Variants in MMP20 observed in about 807,000 individuals in gnomAD.
MMP20 encodes matrix metalloproteinase-20.
Under a neutral mutation model 51.8 loss-of-function variants are expected in MMP20, and 50 were observed. That is an observed-to-expected ratio of 0.97 (90% confidence interval 0.77 to 1.22). The LOEUF (loss-of-function observed/expected upper bound fraction) is 1.22, where lower values mean the gene tolerates loss of function less well. Ranked by LOEUF, MMP20 falls within the 50% of genes most tolerant of loss-of-function variation. The probability of loss-of-function intolerance (pLI) is 0.00; values close to 1 mark genes in which losing one functional copy is unlikely to be tolerated. For synonymous variants in MMP20, 244 were observed against 216.2 expected (o/e 1.13, Z -1.13); for missense variants, 663 against 601.4 (o/e 1.10, Z -1.07).
In MMP20 at chr11:102,579,129, T is replaced by C. The variant is rs755736935; in HGVS notation, c.1261A>G (p.Lys421Glu). The stretch of plus-strand genomic sequence containing the variant: ...GGATAGTCTTTTTCCATTTTCCTTT[T>C]CCTTTCGTCGTAGCTAGAAAAAGTA... The part of the protein sequence containing the change: ...GDEYYSYDER[K>E]RKMEKDYPKN... Residue 421 changes from lysine to glutamate, a missense_variant, in exon 9 of 10, where the codon AAA (lysine) becomes GAA (glutamate). Lys to Glu is a moderately conservative substitution (Grantham distance 56, BLOSUM62 1). Transcript: ENST00000260228. The C allele has an allele frequency of 8.7e-6, 14 of 1,612,016 alleles. No individual in the cohort carries two copies. Among genetic ancestry groups the C allele is most frequent in the African/African-American group, 5.3e-5 (4 of 74,890 alleles).
chr11:102,612,106 T>G (rs1859609139), intron 2 of MMP20, among the ~76,000 whole-genome samples: 1 of 152,214 alleles, frequency 6.6e-6, no homozygotes, highest in Non-Finnish European at 1.5e-5. Context: ...TGAGAGACAG[T>G]TGGGATAATC....
intron 6 of MMP20, among the ~76,000 whole-genome samples, chr11:102,605,633 C>T (rs1565395934): frequency 1.3e-5 from 2 of 152,102 alleles, no homozygotes; most frequent in Middle Eastern, 6.8e-3. Flanking sequence ...TTGGAGTCCC[C>T]TACTCATACA....
chr11:102,578,436 C>T (rs922468621), intron 9 of MMP20, among the ~76,000 whole-genome samples: 2 of 152,164 alleles, frequency 1.3e-5, no homozygotes, highest in African/African-American at 2.4e-5. Flanking sequence ...TGTGCCCAAC[C>T]AAGACTATGT....
intron 1 of MMP20, among the ~76,000 whole-genome samples, chr11:102,623,931 G>A (rs1162135970): frequency 6.6e-6 from 1 of 152,224 alleles, no homozygotes. Flanking sequence ...AATTGAATAA[G>A]GATCCCAGTA....
intron 8 of MMP20, among the ~76,000 whole-genome samples, chr11:102,589,922 G>T (rs1050622743): frequency 1.3e-5 from 2 of 152,058 alleles, no homozygotes; most frequent in Non-Finnish European, 2.9e-5. Flanking sequence ...TATTTCTGAG[G>T]CATTCAGGAA....
rs757896780 is a variant in MMP20 at position 102,606,619 on chromosome 11, G to A, written c.869C>T (p.Pro290Leu). Residue 290 changes from proline to leucine, a missense_variant, in exon 6 of 10, where the codon CCA (proline) becomes CTA (leucine). Coordinates refer to ENST00000260228, the MANE Select transcript of MMP20 (RefSeq NM_004771.4). Reference protein sequence around the residue: ...PTLPHAPHHKPSIPDLCDSSS... With the variant: ...PTLPHAPHHKLSIPDLCDSSS... The stretch of plus-strand genomic sequence containing the variant: ...GGAGTCACAGAGGTCAGGGATGGAT[G>A]GCTTGTGATGGGGGGCATGGGGCAG... The A allele has an allele frequency of 2.5e-6, 4 of 1,614,000 alleles. No homozygotes were observed. The South Asian group carries it at 3.3e-5, about 13-fold the overall frequency.
At chr11:102,594,840 G>C in intron 6 of MMP20, 83 bp from the exon 7 acceptor site, 2 of 1,523,858 alleles carry the variant, frequency 1.3e-6, no homozygotes, top group Non-Finnish European at 1.8e-6. Flanking sequence ...TGACTGAAAT[G>C]TACTCAGAGG....
intron 8 of MMP20, among the ~76,000 whole-genome samples, chr11:102,579,386 C>T (rs972705811): frequency 1.3e-5 from 2 of 151,742 alleles, no homozygotes; most frequent in Non-Finnish European, 2.9e-5. Flanking sequence ...CATCATGGCT[C>T]ACCACTGCCT....
chr11:102,596,122 G>T (rs768661448), intron 6 of MMP20, among the ~76,000 whole-genome samples: 1 of 152,174 alleles, frequency 6.6e-6, no homozygotes, highest in African/African-American at 2.4e-5. Flanking sequence ...GATTAGTAAC[G>T]ATCAGAGTGA....
chr11:102,598,052 C>T (rs1185020857), intron 6 of MMP20, among the ~76,000 whole-genome samples: 3 of 149,054 alleles, frequency 2.0e-5, no homozygotes, highest in Admixed American at 6.7e-5. Flanking sequence ...CAGGCGTAGA[C>T]ACCATGCCTG....
At chr11:102,589,523 G>A (rs1324895318) in intron 8 of MMP20, among the ~76,000 whole-genome samples, 2 of 152,118 alleles carry the variant, frequency 1.3e-5, no homozygotes, top group African/African-American at 2.4e-5. Flanking sequence ...TATGTGACAG[G>A]CATTTCACAT....
chr11:102,602,188 T>TTG, intron 6 of MMP20, among the ~76,000 whole-genome samples: 1 of 143,002 alleles, frequency 7.0e-6, no homozygotes, highest in African/African-American at 2.6e-5. Context: ...CAGGATGGTC[T>TTG]CCATCTCCTG....
At position 102,606,593 on chromosome 11, in the gene MMP20, T is replaced by TG; in HGVS notation, c.894dup (p.Ser299GlnfsTer5). 1 of 1,614,070 alleles carries TG rather than the reference T, an allele frequency of 6.2e-7. No homozygotes were observed. Among genetic ancestry groups the TG allele is most frequent in the Non-Finnish European group, 8.5e-7 (1 of 1,179,974 alleles). ...ATTGTCACAGCGTCAAAGGATGAGC[T>TG]GGAGTCACAGAGGTCAGGGATGGAT... On this transcript the variant is annotated frameshift_variant, in exon 6 of 10. Coordinates refer to ENST00000260228, the MANE Select transcript of MMP20 (RefSeq NM_004771.4). LOFTEE classifies it high-confidence loss of function.
At chr11:102,597,020 T>G (rs1313193831) in intron 6 of MMP20, among the ~76,000 whole-genome samples, 1 of 152,208 alleles carries the variant, frequency 6.6e-6, no homozygotes, top group Non-Finnish European at 1.5e-5. Flanking sequence ...AAATGTTTTC[T>G]CTTATAAGTT....
intron 5 of MMP20, chr11:102,606,931 C>T: frequency 2.1e-6 from 1 of 480,988 alleles, no homozygotes; most frequent in African/African-American, 1.9e-5. Context: ...GTACTCACCT[C>T]AGAAGGCTGT....
At position 102,593,513 on chromosome 11, in the gene MMP20, C is replaced by T. The variant is rs760210732; in HGVS notation, c.1173G>A (p.Val391=). Residue 391 remains valine (V), a synonymous_variant, in exon 8 of 10, where the codon GTG becomes GTA. Transcript: ENST00000260228. The part of the protein sequence containing the change: ...TIYDFGFPRH[V]QQIDAAVYLR... ...GGTAGACAGCAGCATCTATTTGCTG[C>T]ACGTGCCTTGGAAATCCAAAGTCAT... 2 of 1,614,154 alleles carry T rather than the reference C, an allele frequency of 1.2e-6. No homozygotes were observed. Among genetic ancestry groups the T allele is most frequent in the Admixed American group, 1.7e-5 (1 of 60,018 alleles).
chr11:102,600,859 A>G (rs1307492798), intron 6 of MMP20, among the ~76,000 whole-genome samples: 2 of 151,854 alleles, frequency 1.3e-5, no homozygotes, highest in Non-Finnish European at 2.9e-5. Flanking sequence ...ATTCCAAACT[A>G]TCCTGGCCAC....
intron 6 of MMP20, among the ~76,000 whole-genome samples, chr11:102,602,157 A>G (rs1265326492): frequency 8.2e-6 from 1 of 121,408 alleles, no homozygotes; most frequent in African/African-American, 3.2e-5. Context: ...TTTAGTAGAG[A>G]CGGGGTTTCA....
Position 102,594,759 on chromosome 11 carries a change from T to C in MMP20, c.954-2A>G, listed in dbSNP as rs140213840. On this transcript the variant is annotated splice_acceptor_variant, in intron 6 of 9. Transcript: ENST00000260228. LOFTEE classifies it high-confidence loss of function. ...TGAACCTGCCGTCTCCAGAAAATCC[T>C]ATGGGACATTCCAAAAAAAAAAAAA... The C allele has an allele frequency of 1.3e-6, 2 of 1,550,602 alleles. No homozygotes were observed. Among genetic ancestry groups the C allele is most frequent in the Non-Finnish European group, 1.7e-6 (2 of 1,157,052 alleles).
Sources: gnomAD v4.1 joint callset for allele counts (sites outside exome capture counted in the v4.1 genomes callset) on GRCh38, gnomAD v4.1.1 for gene constraint, MANE v1.5 for transcripts, NCBI Gene and HGNC (gene_info 2026-07-23, HGNC 2026-07-21) for gene names.